INTS2: variants seen among roughly 807,000 people sequenced by gnomAD.
The protein encoded by INTS2 is integrator complex subunit 2, also known as KIAA1287.
INTS2 carries 57 observed loss-of-function variants against 139.6 expected under a neutral mutation model. That is an observed-to-expected ratio of 0.41 (90% CI 0.33 to 0.51). INTS2 has a LOEUF of 0.51. Ranked by LOEUF, INTS2 falls within the 20% of genes least tolerant of loss-of-function variation. The pLI is 0.28. For missense variants in INTS2, 1,196 were observed against 1,436.7 expected, an observed-to-expected ratio of 0.83 and a Z score of 2.71; for synonymous variants, 473 against 493.4, an observed-to-expected ratio of 0.96 and a Z score of 0.55.
chr17:61,919,608 A>C, intron 4 of INTS2, 95 bp from the exon 5 acceptor site: 63 of 667,598 alleles, frequency 9.4e-5, no homozygotes, highest in Middle Eastern at 2.6e-4. Context: ...ACTGAATCTC[A>C]CTGTGTTGCC....
At chr17:61,888,888 C>T (rs894446947) in intron 15 of INTS2, among the ~76,000 whole-genome samples, 11 of 151,862 alleles carry the variant, frequency 7.2e-5, no homozygotes, top group Non-Finnish European at 1.5e-5. Flanking sequence ...AGCCGGGCGT[C>T]GTAGCAGGCG....
Position 61,921,743 on chromosome 17 carries a change from G to A in INTS2, c.517C>T (p.Leu173Phe). The change falls in exon 4 of 25, where the codon CTT (leucine) becomes TTT (phenylalanine). Residue 173 changes from leucine (L) to phenylalanine (F), a missense_variant. By Grantham distance (22) the Leu-to-Phe change is conservative. This residue lies in a region of INTS2 where 1,129 missense variants were observed against 1,341.9 expected (regional missense o/e 0.84). Coordinates refer to ENST00000251334, the MANE Select transcript of INTS2 (RefSeq NM_001351695.2). ...PVYLEEAADV[L>F]CILQAELPSL... ...ACAGTACCTGCTTGTAAAATACAAA[G>A]TACATCTGCAGCTTCCTCCAAATAT... 1 of 1,589,144 alleles carries A rather than the reference G, an allele frequency of 6.3e-7. No homozygotes were observed.
At position 61,877,875 on chromosome 17, in the gene INTS2, C is replaced by T. The variant is rs1159276019; in HGVS notation, c.2456+12G>A. 6.3e-7 allele frequency: 1 copy of T among 1,583,974 alleles called. No individual in the cohort carries two copies. The highest frequency in any genetic ancestry group is 8.7e-7 in the Non-Finnish European group (1 of 1,152,760). ...TAATTATCTATTACATGTAACAATACACTGAATTTACCTTCTAGGCATCAC... is the reference window on the plus strand; with the variant it reads ...TAATTATCTATTACATGTAACAATATACTGAATTTACCTTCTAGGCATCAC... On this transcript the variant is annotated intron_variant, in intron 18 of 24. Transcript: ENST00000251334.
intron 16 of INTS2, among the ~76,000 whole-genome samples, chr17:61,881,514 T>G (rs1276977583): frequency 6.6e-6 from 1 of 152,146 alleles, no homozygotes; most frequent in Non-Finnish European, 1.5e-5. Context: ...GGAGAATCAC[T>G]TGAACCTGGG....
intron 3 of INTS2, among the ~76,000 whole-genome samples, chr17:61,923,804 C>CA (rs950222491): frequency 1.3e-5 from 2 of 152,062 alleles, no homozygotes; most frequent in African/African-American, 4.8e-5. Context: ...AGGCATGCAC[C>CA]ACCACTCCTG....
At chr17:61,923,089 A>C (rs2079664884) in intron 3 of INTS2, among the ~76,000 whole-genome samples, 1 of 152,100 alleles carries the variant, frequency 6.6e-6, no homozygotes, top group Admixed American at 6.6e-5. Context: ...AAAAACAAAC[A>C]AAAATAAATA....
At chr17:61,925,152 T>C (rs530278117) in intron 2 of INTS2, 53 bp from the exon 3 acceptor site, 7 of 1,496,726 alleles carry the variant, frequency 4.7e-6, no homozygotes, top group Admixed American at 3.5e-5. Context: ...ATGGAAATAA[T>C]TGCATAAAAA....
intron 5 of INTS2, among the ~76,000 whole-genome samples, chr17:61,918,306 A>G (rs578080433): frequency 2.0e-4 from 31 of 152,232 alleles, no homozygotes; most frequent in African/African-American, 5.5e-4. Flanking sequence ...GCAGTGGCAC[A>G]TATCGGCTCG....
rs771787914 is a variant in INTS2, at chr17:61,872,347, T to C, written c.2696A>G (p.Asn899Ser). The C allele has an allele frequency of 3.8e-5, 62 of 1,613,316 alleles. 1 individual carries two copies. The South Asian group carries it at 6.6e-4, about 17-fold the overall frequency. Reference sequence around the variant, plus strand: ...TTGTCCAACTAAACCAATTGTATTATTCTGGGAAGGCCTATCTTGCTCTGT... The same window carrying C: ...TTGTCCAACTAAACCAATTGTATTACTCTGGGAAGGCCTATCTTGCTCTGT... ...KETEQDRPSQNNTIGLVGQTD... is the reference protein window; with the variant it reads ...KETEQDRPSQSNTIGLVGQTD... The change falls in exon 20 of 25, where the codon AAT becomes AGT. Residue 899 changes from asparagine to serine, a missense_variant. Physicochemically the swap from Asn to Ser is conservative, Grantham distance 46. Around this residue, in one of 3 missense-constraint regions of INTS2, gnomAD observed 1,129 missense variants for 1,341.9 expected, o/e 0.84. Transcript: ENST00000251334. This position sits in a 1 kb window ranked among gnomAD's most constrained non-coding sequence, Gnocchi z 4.8.
At chr17:61,899,926 AT>A (rs1310950323) in intron 9 of INTS2, among the ~76,000 whole-genome samples, 9 of 146,658 alleles carry the variant, frequency 6.1e-5, no homozygotes, top group Non-Finnish European at 7.5e-5. Context: ...AAAAAAAAAA[AT>A]ACCTTATAAG....
intron 3 of INTS2, among the ~76,000 whole-genome samples, chr17:61,924,628 G>C (rs951360632): frequency 6.6e-6 from 1 of 152,098 alleles, no homozygotes; most frequent in East Asian, 1.9e-4. Context: ...AGACCAGCCT[G>C]GCCAGCCTGG....
chr17:61,922,511 CATATATATATAT>C (rs60100593), intron 3 of INTS2, among the ~76,000 whole-genome samples: 11,049 of 73,218 alleles, frequency 0.15, 1,201 homozygotes, highest in East Asian at 0.44. Context: ...AACAAACAAA[CATATATATATAT>C]ATATATATAT....
rs1045361662 is a variant in INTS2 at position 61,870,974 on chromosome 17, A to T, written c.2779-986T>A. ...ATACTCTATACCTCATAGGTAGGTT[A>T]TAAAAATTAAATGAGCTAATATATT... On this transcript the variant is annotated intron_variant, in intron 20 of 24. Transcript: ENST00000251334. The surrounding 1 kb of genome is among the most constrained non-coding windows in gnomAD (Gnocchi z 4.4). 4.6e-5 allele frequency among the ~76,000 whole-genome samples: 7 copies of T among 152,204 alleles called. No individual in the cohort carries two copies. The highest frequency in any genetic ancestry group is 8.8e-5 in the Non-Finnish European group (6 of 68,026).
intron 13 of INTS2, among the ~76,000 whole-genome samples, chr17:61,892,937 A>C (rs1230250440): frequency 2.7e-5 from 4 of 146,282 alleles, no homozygotes; most frequent in Non-Finnish European, 6.0e-5. Flanking sequence ...TTGGGCAACA[A>C]AGTGAGACTC....
At chr17:61,921,858 C>T in intron 3 of INTS2, 31 bp from the exon 4 acceptor site, 1 of 1,098,030 alleles carries the variant, frequency 9.1e-7, no homozygotes, top group Non-Finnish European at 1.3e-6. Context: ...GATATAAACT[C>T]TATTAATTTC....
At chr17:61,907,124 G>A (rs945260506) in intron 8 of INTS2, among the ~76,000 whole-genome samples, 1 of 152,124 alleles carries the variant, frequency 6.6e-6, no homozygotes, top group African/African-American at 2.4e-5. Context: ...TTGTCAAGCT[G>A]TGTTGAAATC....
intron 8 of INTS2, among the ~76,000 whole-genome samples, chr17:61,905,332 C>G (rs680696): frequency 1.0e-3 from 158 of 152,020 alleles, no homozygotes; most frequent in African/African-American, 3.7e-3. Context: ...TGTTTTCTTT[C>G]TTTCTTTTTT....
At chr17:61,908,186 G>C (rs555424737) in intron 7 of INTS2, among the ~76,000 whole-genome samples, 78 of 152,220 alleles carry the variant, frequency 5.1e-4, no homozygotes, top group African/African-American at 1.7e-3. Flanking sequence ...AGGCCAAGGC[G>C]GACGGATCAC....
At chr17:61,900,742 G>A (rs1443647854) in intron 9 of INTS2, among the ~76,000 whole-genome samples, 1 of 151,616 alleles carries the variant, frequency 6.6e-6, no homozygotes, top group East Asian at 1.9e-4. Flanking sequence ...CAGATCACCT[G>A]AGGTCAGGAG....
Sources: gnomAD v4.1 joint callset for allele counts (sites outside exome capture counted in the v4.1 genomes callset) on GRCh38, gnomAD v4.1.1 for gene constraint, gnomAD v4.1.1 regional missense constraint, Gnocchi (gnomAD v3.1) non-coding constraint, MANE v1.5 for transcripts, NCBI Gene and HGNC (gene_info 2026-07-23, HGNC 2026-07-21) for gene names.